ZNRF1: variants seen among roughly 807,000 people sequenced by gnomAD.
ZNRF1 encodes E3 ubiquitin-protein ligase ZNRF1.
Under a neutral mutation model 18.4 loss-of-function variants are expected in ZNRF1, and 3 were observed. The observed-to-expected ratio is 0.16, with a 90% CI of 0.07 to 0.42. The LOEUF (loss-of-function observed/expected upper bound fraction) is 0.42. Among genes scored for constraint, ZNRF1 ranks in the 10% least tolerant of loss-of-function variants. The probability of loss-of-function intolerance (pLI) is 0.99; values close to 1 mark genes in which losing one functional copy is unlikely to be tolerated. For missense variants in ZNRF1, 310 were observed against 329.8 expected (o/e 0.94, Z 0.47); for synonymous variants, 157 against 144.2 (o/e 1.09, Z -0.64).
Position 74,999,821 on chromosome 16 carries a change from G to A in ZNRF1, c.150G>A (p.Ser50=). The part of the protein sequence containing the change: ...GGGAMGLRSR[S]VSSVAGMGMD... ...GGGCCATGGGGCTGCGCAGCCGCTC[G>A]GTCAGCTCGGTGGCAGGCATGGGCA... is the stretch of plus-strand genomic sequence containing the variant. The change falls in exon 1 of 5, where the codon TCG becomes TCA. Residue 50 remains serine, a synonymous_variant. Coordinates refer to ENST00000335325, the MANE Select transcript of ZNRF1 (RefSeq NM_032268.5). The A allele has an allele frequency of 1.4e-6, 2 of 1,451,408 alleles. No individual in the cohort carries two copies. The highest frequency in any genetic ancestry group is 2.8e-5 in the South Asian group (2 of 71,024). The allele number at this position is 1,451,408 out of a possible 1,614,324, so 89.9% of individuals were successfully genotyped here. A position where few individuals can be genotyped will look rare whatever the true frequency, so the allele number is the denominator to read the frequency against.
intron 1 of ZNRF1, among the ~76,000 whole-genome samples, chr16:75,091,952 A>G (rs1189044675): frequency 2.0e-5 from 3 of 152,166 alleles, no homozygotes; most frequent in Admixed American, 1.3e-4. Context: ...TTATAAATGT[A>G]TTATATACTG....
intron 1 of ZNRF1, among the ~76,000 whole-genome samples, chr16:75,069,482 C>T (rs1024797784): frequency 1.3e-5 from 2 of 152,136 alleles, no homozygotes; most frequent in African/African-American, 4.8e-5. Context: ...GGCGCGATCT[C>T]GGCTCACTGC....
intron 1 of ZNRF1, among the ~76,000 whole-genome samples, chr16:75,003,310 T>C (rs1423887209): frequency 6.6e-6 from 1 of 152,242 alleles, no homozygotes; most frequent in African/African-American, 2.4e-5. Flanking sequence ...TGTTTACTTT[T>C]TTCTGTGTAT....
chr16:75,012,667 C>T (rs2035013816), intron 1 of ZNRF1, among the ~76,000 whole-genome samples: 1 of 152,150 alleles, frequency 6.6e-6, no homozygotes, highest in Non-Finnish European at 1.5e-5. Flanking sequence ...TCTCAGTTGC[C>T]TGTCTTAAAC....
At chr16:75,052,153 C>T (rs1209563417) in intron 1 of ZNRF1, among the ~76,000 whole-genome samples, 1 of 152,152 alleles carries the variant, frequency 6.6e-6, no homozygotes, top group Non-Finnish European at 1.5e-5. Flanking sequence ...TTTTCCAGCA[C>T]TTTGGGAGGC....
At chr16:75,062,289 C>G (rs565361108) in intron 1 of ZNRF1, among the ~76,000 whole-genome samples, 11 of 152,186 alleles carry the variant, frequency 7.2e-5, no homozygotes, top group African/African-American at 1.2e-4. Flanking sequence ...CCCCGGGAGA[C>G]GAAGGCAGCA....
rs2036341296 is a variant in ZNRF1, at chr16:75,108,326, T to C, written c.*626T>C. 2.8e-6 allele frequency: 1 copy of C among 363,358 alleles called. No individual in the cohort carries two copies. 22.5% of individuals were successfully genotyped at this position (363,358 alleles called of 1,614,324 possible). On this transcript the variant is annotated 3_prime_UTR_variant, in exon 5 of 5. Coordinates refer to ENST00000335325, the MANE Select transcript of ZNRF1 (RefSeq NM_032268.5). ...AAAAAACAACCCATTGAGAACTTTC[T>C]TCCTACTGATCCCATCTCTTTTCCC...
intron 1 of ZNRF1, among the ~76,000 whole-genome samples, chr16:75,020,067 A>G (rs1420909403): frequency 2.0e-5 from 3 of 152,152 alleles, no homozygotes; most frequent in African/African-American, 7.2e-5. Flanking sequence ...TTTTTTAATG[A>G]CTGAATTTGT....
intron 1 of ZNRF1, among the ~76,000 whole-genome samples, chr16:75,060,898 A>C (rs988637601): frequency 6.6e-6 from 1 of 152,090 alleles, no homozygotes; most frequent in African/African-American, 2.4e-5. Context: ...GAGGAGGAGG[A>C]GGCTAAGAAA....
chr16:75,039,113 A>G (rs995523533), intron 1 of ZNRF1, among the ~76,000 whole-genome samples: 2 of 152,236 alleles, frequency 1.3e-5, no homozygotes, highest in African/African-American at 4.8e-5. Context: ...TGCAGAATTA[A>G]TAGTTCCTAT....
chr16:75,074,421 AGT>A (rs1311282979), intron 1 of ZNRF1, among the ~76,000 whole-genome samples: 2 of 152,168 alleles, frequency 1.3e-5, no homozygotes, highest in Non-Finnish European at 2.9e-5. Context: ...AAGGGTGTGG[AGT>A]TGTATTTAAG....
chr16:75,093,583 C>T lies in ZNRF1; in HGVS notation c.436C>T (p.Pro146Ser). The change falls in exon 2 of 5, where the codon CCC (proline) becomes TCC (serine). Residue 146 changes from proline (P) to serine (S), a missense_variant. Pro to Ser is a moderately conservative substitution (Grantham distance 74). Transcript: ENST00000335325. ...CTCCTCTCTTTCAGGTTTCAAGTGCCCCATTTGCTCCAAGTCTGTGGCTTC... is the reference window on the plus strand; with the variant it reads ...CTCCTCTCTTTCAGGTTTCAAGTGCTCCATTTGCTCCAAGTCTGTGGCTTC... ...WFSSHSGFKC[P>S]ICSKSVASDE... is the part of the protein sequence containing the mutation. 1 of 1,613,850 alleles carries T rather than the reference C, an allele frequency of 6.2e-7. No individual in the cohort carries two copies. Among genetic ancestry groups the T allele is most frequent in the Non-Finnish European group, 8.5e-7 (1 of 1,179,794 alleles).
chr16:75,087,650 C>T (rs2036089499), intron 1 of ZNRF1, among the ~76,000 whole-genome samples: 1 of 152,234 alleles, frequency 6.6e-6, no homozygotes, highest in Non-Finnish European at 1.5e-5. Context: ...ATTAAGGACA[C>T]ATTCCCCACA....
At position 75,105,191 on chromosome 16, in the gene ZNRF1, G is replaced by A. The variant is rs2036300539; in HGVS notation, c.626+302G>A. 3 of 321,688 alleles carry A rather than the reference G, an allele frequency of 9.3e-6. No homozygotes were observed. In the Admixed American group the frequency reaches 1.3e-4, roughly 14 times the overall value. The allele number at this position is 321,688 out of a possible 1,614,324, so 19.9% of individuals were successfully genotyped here. A position where few individuals can be genotyped will look rare whatever the true frequency, so the allele number is the denominator to read the frequency against. ...GTTGGAGGAGCTTCGGATCCCACTG[G>A]GAAGGTTGGTTCTCCGTCTGTCTCC... On this transcript the variant is annotated intron_variant, in intron 3 of 4. Coordinates refer to ENST00000335325, the MANE Select transcript of ZNRF1 (RefSeq NM_032268.5).
At chr16:75,033,442 T>G (rs942497407) in intron 1 of ZNRF1, among the ~76,000 whole-genome samples, 99 of 146,788 alleles carry the variant, frequency 6.7e-4, no homozygotes, top group African/African-American at 2.4e-3. Flanking sequence ...TTATAGTTTT[T>G]TTTTTTTTTT....
At chr16:75,105,916 G>A (rs939701176) in intron 3 of ZNRF1, 1 of 152,698 alleles carries the variant, frequency 6.5e-6, no homozygotes, top group Non-Finnish European at 1.5e-5. Flanking sequence ...CCTCTTGCAG[G>A]AAGGACTAGA....
chr16:75,041,351 A>G (rs980074856), intron 1 of ZNRF1, among the ~76,000 whole-genome samples: 9 of 151,762 alleles, frequency 5.9e-5, no homozygotes, highest in African/African-American at 2.2e-4. Context: ...TATTTTTGAG[A>G]CAGGGTCTCA....
intron 1 of ZNRF1, among the ~76,000 whole-genome samples, chr16:75,049,700 T>G (rs2035565913): frequency 6.6e-6 from 1 of 152,164 alleles, no homozygotes; most frequent in Admixed American, 6.5e-5. Context: ...GCCCACAGAG[T>G]GGTCCTTTGT....
chr16:75,034,973 G>A (rs923742249), intron 1 of ZNRF1, among the ~76,000 whole-genome samples: 2 of 152,028 alleles, frequency 1.3e-5, no homozygotes, highest in African/African-American at 4.8e-5. Context: ...GAAATTGCTG[G>A]ATCATATGGT....
Sources: gnomAD v4.1 joint callset for allele counts (sites outside exome capture counted in the v4.1 genomes callset) on GRCh38, gnomAD v4.1.1 for gene constraint, MANE v1.5 for transcripts, NCBI Gene and HGNC (gene_info 2026-07-23, HGNC 2026-07-21) for gene names.